Variants in CEP128 observed in about 807,000 individuals in gnomAD.
CEP128 encodes centrosomal protein 128kDa.
A neutral mutation model predicts 156.7 loss-of-function variants in CEP128; 132 were observed. The observed-to-expected ratio is 0.84, with a 90% CI of 0.73 to 0.97. The LOEUF is 0.97. Among genes scored for constraint, CEP128 ranks in the 50% least tolerant of loss-of-function variants. CEP128 has a pLI of 0.00. For synonymous variants in CEP128, 469 were observed against 448.9 expected (o/e 1.04, Z -0.57); for missense variants, 1,252 against 1,281.9 (o/e 0.98, Z 0.36).
chr14:80,827,107 T>C (rs369475510), intron 13 of CEP128, among the ~76,000 whole-genome samples: 3 of 152,206 alleles, frequency 2.0e-5, no homozygotes, highest in Admixed American at 2.0e-4. Flanking sequence ...GCTTGAAATA[T>C]ATATTCTGGA....
intron 19 of CEP128, among the ~76,000 whole-genome samples, chr14:80,705,709 T>C (rs1489621723): frequency 6.6e-6 from 1 of 152,118 alleles, no homozygotes; most frequent in Non-Finnish European, 1.5e-5. Context: ...CACTTGTGCT[T>C]GGAGCCTTGG....
At chr14:80,804,569 T>C (rs1884062973) in intron 13 of CEP128, among the ~76,000 whole-genome samples, 2 of 152,104 alleles carry the variant, frequency 1.3e-5, no homozygotes, top group East Asian at 1.9e-4. Flanking sequence ...AAAATGAAAA[T>C]ATTGAATGAA....
intron 19 of CEP128, among the ~76,000 whole-genome samples, chr14:80,632,007 A>T (rs1388933791): frequency 6.6e-6 from 1 of 152,088 alleles, no homozygotes; most frequent in Non-Finnish European, 1.5e-5. Context: ...CCATATTACT[A>T]GCTGATGTGT....
chr14:80,722,796 T>A (rs1214374382), intron 19 of CEP128, among the ~76,000 whole-genome samples: 1 of 150,594 alleles, frequency 6.6e-6, no homozygotes, highest in Non-Finnish European at 1.5e-5. Flanking sequence ...CATTCTGTCA[T>A]CTGGTAGCAG....
intron 19 of CEP128, among the ~76,000 whole-genome samples, chr14:80,590,596 T>A (rs996460430): frequency 1.3e-5 from 2 of 150,908 alleles, no homozygotes; most frequent in Non-Finnish European, 3.0e-5. Flanking sequence ...GAAGAATGAC[T>A]AAAAGAAATT....
At chr14:80,675,347 T>C (rs2122252) in intron 19 of CEP128, among the ~76,000 whole-genome samples, 13,122 of 152,120 alleles carry the variant, frequency 0.086, 661 homozygotes, top group African/African-American at 0.13. Context: ...ACATACAGTA[T>C]GTGAGTATTC....
At chr14:80,920,132 C>T (rs1279159156) in intron 2 of CEP128, among the ~76,000 whole-genome samples, 1 of 152,174 alleles carries the variant, frequency 6.6e-6, no homozygotes, top group Non-Finnish European at 1.5e-5. Flanking sequence ...TTCTTCCACT[C>T]TTACTGACAA....
chr14:80,821,526 C>A, intron 13 of CEP128, among the ~76,000 whole-genome samples: 1 of 151,486 alleles, frequency 6.6e-6, no homozygotes, highest in Non-Finnish European at 1.5e-5. Flanking sequence ...TCAATAGATC[C>A]ATAGATAATA....
intron 19 of CEP128, among the ~76,000 whole-genome samples, chr14:80,658,170 A>G (rs2596115): frequency 0.7 from 106,162 of 152,074 alleles, 38,692 homozygotes; most frequent in East Asian, 0.82. Flanking sequence ...ACAAGTTTTA[A>G]AAAGGTAATT....
intron 18 of CEP128, among the ~76,000 whole-genome samples, chr14:80,748,701 T>C (rs1406319545): frequency 6.6e-6 from 1 of 152,184 alleles, no homozygotes; most frequent in Non-Finnish European, 1.5e-5. Context: ...CTTTAGGTGT[T>C]ACCCTGTGTA....
chr14:80,799,724 G>A (rs1246917510), intron 13 of CEP128, among the ~76,000 whole-genome samples: 1 of 152,102 alleles, frequency 6.6e-6, no homozygotes, highest in Non-Finnish European at 1.5e-5. Flanking sequence ...ATATGCCCTG[G>A]TCTCCTGCAG....
chr14:80,781,963 A>T (rs931757144), intron 15 of CEP128, among the ~76,000 whole-genome samples: 4 of 152,230 alleles, frequency 2.6e-5, no homozygotes, highest in African/African-American at 9.6e-5. Context: ...GTGAGAAGGA[A>T]GGTTCTAGTT....
chr14:80,540,010 T>A (rs1035032769), intron 21 of CEP128, among the ~76,000 whole-genome samples: 1 of 152,168 alleles, frequency 6.6e-6, no homozygotes, highest in Non-Finnish European at 1.5e-5. Flanking sequence ...TGTTTTCTGT[T>A]GTTTAAGATG....
At chr14:80,649,824 T>C (rs540059681) in intron 19 of CEP128, among the ~76,000 whole-genome samples, 2 of 152,296 alleles carry the variant, frequency 1.3e-5, no homozygotes, top group Non-Finnish European at 2.9e-5. Flanking sequence ...TGTAGCCTTA[T>C]AGTATAGTTT....
At chr14:80,675,444 C>T (rs1401746989) in intron 19 of CEP128, among the ~76,000 whole-genome samples, 1 of 152,056 alleles carries the variant, frequency 6.6e-6, no homozygotes, top group Non-Finnish European at 1.5e-5. Context: ...ACGCTTCAAA[C>T]ACTTGATGCT....
rs186176322 is a variant in CEP128, at chr14:80,735,143, G to A, written c.2806+7932C>T. On this transcript the variant is annotated intron_variant, in intron 19 of 24. Coordinates refer to ENST00000555265, the MANE Select transcript of CEP128 (RefSeq NM_152446.5). Reference sequence around the variant, plus strand: ...TTCCTGTGATTTTTAGATTTCCATCGATGTCCATTTTAACACTATAGTACA... The same window carrying A: ...TTCCTGTGATTTTTAGATTTCCATCAATGTCCATTTTAACACTATAGTACA... Among the ~76,000 whole-genome samples, 6 of 151,816 alleles carry A rather than the reference G, an allele frequency of 4.0e-5. No individual in the cohort carries two copies. The East Asian group carries it at 7.7e-4, about 20-fold the overall frequency.
chr14:80,558,009 CCTGA>C (rs1209278058), intron 21 of CEP128, among the ~76,000 whole-genome samples: 9 of 151,988 alleles, frequency 5.9e-5, no homozygotes, highest in Non-Finnish European at 7.4e-5. Context: ...TTTTTGAAAA[CCTGA>C]CTGTTTATGG....
At chr14:80,533,685 C>T (rs751667234) in intron 21 of CEP128, among the ~76,000 whole-genome samples, 9 of 152,132 alleles carry the variant, frequency 5.9e-5, no homozygotes, top group Non-Finnish European at 1.3e-4. Flanking sequence ...CCGCTGCCCC[C>T]ATCTCCCTTA....
At chr14:80,753,047 G>GTA (rs1173460997) in intron 18 of CEP128, among the ~76,000 whole-genome samples, 1 of 152,072 alleles carries the variant, frequency 6.6e-6, no homozygotes, top group Non-Finnish European at 1.5e-5. Context: ...AATAAAACCA[G>GTA]TACTTGGGAA....
Sources: allele counts gnomAD v4.1 joint callset (sites outside exome capture counted in the v4.1 genomes callset), GRCh38; gene constraint gnomAD v4.1.1; transcripts MANE v1.5; gene names NCBI Gene and HGNC (gene_info 2026-07-23, HGNC 2026-07-21).